Variants in BCAT1 observed in about 807,000 individuals in gnomAD.
The protein encoded by BCAT1 is branched-chain-amino-acid aminotransferase, cytosolic.
A neutral mutation model predicts 52.4 loss-of-function variants in BCAT1; 48 were observed. The observed-to-expected ratio is 0.92, with a 90% confidence interval of 0.73 to 1.16. The LOEUF is 1.16. Among genes scored for constraint, BCAT1 ranks in the 50% most tolerant of loss-of-function variants. The pLI is 0.00. For missense variants in BCAT1, 451 were observed against 457.1 expected (o/e 0.99, Z 0.12); for synonymous variants, 167 against 161.3 (o/e 1.04, Z -0.27).
chr12:24,899,826 C>T (rs909512859), intron 2 of BCAT1, among the ~76,000 whole-genome samples: 15 of 137,432 alleles, frequency 1.1e-4, no homozygotes, highest in African/African-American at 3.2e-4. Context: ...CTCACTCATA[C>T]GTGAGAGCTA....
In BCAT1 at chr12:24,812,578, T is replaced by C. The variant is rs961684481; in HGVS notation, c.*5430A>G. On this transcript the variant is annotated 3_prime_UTR_variant, in exon 11 of 11. Coordinates refer to ENST00000261192, the MANE Select transcript of BCAT1 (RefSeq NM_005504.7). ...TTTGCTATATTTAGTCACTACCTAG[T>C]AGCATTATTTGTATTTAGCAACTAC... The C allele has an allele frequency of 1.3e-5, 2 of 152,082 alleles. No homozygotes were observed. The highest frequency in any genetic ancestry group is 2.9e-5 in the Non-Finnish European group (2 of 67,908). 9.4% of individuals were successfully genotyped at this position (152,082 alleles called of 1,614,324 possible).
At chr12:24,842,027 C>T in intron 7 of BCAT1, 55 bp downstream of exon 7, 4 of 1,584,320 alleles carry the variant, frequency 2.5e-6, no homozygotes, top group Non-Finnish European at 3.5e-6. Context: ...TCTTGTCTTT[C>T]TGGTCCTGTT....
In BCAT1 at chr12:24,842,194, A is replaced by G. The variant is rs1307449215; in HGVS notation, c.705T>C (p.Cys235=). The change falls in exon 7 of 11, where the codon TGT becomes TGC. Residue 235 remains cysteine (C), a synonymous_variant. Coordinates refer to ENST00000261192, the MANE Select transcript of BCAT1 (RefSeq NM_005504.7). ...GCTGACACCCATTATCTACTGCTTC[A>G]CATTGGGCAAAAAGAGATGAGCCGT... ...GNYGSSLFAQ[C]EAVDNGCQQV... The G allele has an allele frequency of 6.2e-7, 1 of 1,613,984 alleles. No homozygotes were observed. The highest frequency in any genetic ancestry group is 1.7e-5 in the Admixed American group (1 of 60,026).
chr12:24,817,116 A>G lies in BCAT1; in HGVS notation c.*892T>C, dbSNP rs1343006143. 1 of 152,568 alleles carries G rather than the reference A, an allele frequency of 6.6e-6. No homozygotes were observed. Among genetic ancestry groups the G allele is most frequent in the East Asian group, 1.9e-4 (1 of 5,194 alleles). 9.5% of individuals were successfully genotyped at this position (152,568 alleles called of 1,614,324 possible). A position where few individuals can be genotyped will look rare whatever the true frequency, so the allele number is the denominator to read the frequency against. On this transcript the variant is annotated 3_prime_UTR_variant, in exon 11 of 11. Coordinates refer to ENST00000261192, the MANE Select transcript of BCAT1 (RefSeq NM_005504.7). ...ATTTCCTAAACTAACTATGCTTCAG[A>G]GTATCTCTAATGACTTAGTAGCTCA...
chr12:24,935,778 C>T (rs1394369338), intron 1 of BCAT1, among the ~76,000 whole-genome samples: 1 of 152,168 alleles, frequency 6.6e-6, no homozygotes, highest in Admixed American at 6.5e-5. Context: ...AATTCTGCTT[C>T]CCATATAACT....
At chr12:24,880,589 A>G (rs1245762100) in intron 4 of BCAT1, among the ~76,000 whole-genome samples, 3 of 152,254 alleles carry the variant, frequency 2.0e-5, no homozygotes, top group Non-Finnish European at 2.9e-5. Context: ...TAAAATATCA[A>G]AATAATTAAG....
At chr12:24,872,338 T>C (rs1454798333) in intron 5 of BCAT1, among the ~76,000 whole-genome samples, 1 of 152,222 alleles carries the variant, frequency 6.6e-6, no homozygotes, top group Non-Finnish European at 1.5e-5. Flanking sequence ...ACAAATCTCA[T>C]CTCCAGCCTT....
At chr12:24,892,093 T>TGTTTCGTTTC (rs574973205) in intron 3 of BCAT1, among the ~76,000 whole-genome samples, 1 of 150,718 alleles carries the variant, frequency 6.6e-6, no homozygotes, top group Non-Finnish European at 1.5e-5. Flanking sequence ...TGTTTTGTTT[T>TGTTTCGTTTC]GTTTCAATAG....
intron 1 of BCAT1, among the ~76,000 whole-genome samples, chr12:24,946,840 C>T (rs941050131): frequency 1.3e-5 from 2 of 152,140 alleles, no homozygotes; most frequent in African/African-American, 4.8e-5. Context: ...AGGTTTTAAA[C>T]TCATTTCAAA....
intron 4 of BCAT1, among the ~76,000 whole-genome samples, chr12:24,880,709 ATTATT>A (rs1294418892): frequency 6.6e-6 from 1 of 152,182 alleles, no homozygotes; most frequent in African/African-American, 2.4e-5. Context: ...GTCTTCAAAT[ATTATT>A]TTAGGTTGAG....
At chr12:24,907,858 C>T (rs1036082252) in intron 1 of BCAT1, among the ~76,000 whole-genome samples, 6 of 152,300 alleles carry the variant, frequency 3.9e-5, no homozygotes, top group Middle Eastern at 3.4e-3. Flanking sequence ...TTTTCAGACT[C>T]GGCCCGCCTG....
chr12:24,891,986 T>G (rs188078413), intron 3 of BCAT1, among the ~76,000 whole-genome samples: 1 of 151,890 alleles, frequency 6.6e-6, no homozygotes, highest in Non-Finnish European at 1.5e-5. Flanking sequence ...CTCGATCTCC[T>G]GACCTCGTGA....
At chr12:24,933,160 G>A (rs58290709) in intron 1 of BCAT1, among the ~76,000 whole-genome samples, 8 of 127,024 alleles carry the variant, frequency 6.3e-5, no homozygotes, top group African/African-American at 2.4e-4. Context: ...GCAGAGATGA[G>A]GTTTCGCTAT....
chr12:24,876,153 CAT>C (rs1222873322), intron 5 of BCAT1, among the ~76,000 whole-genome samples: 1 of 150,046 alleles, frequency 6.7e-6, no homozygotes, highest in African/African-American at 2.4e-5. Context: ...CTACTAAACT[CAT>C]ATTGTTTTCA....
intron 5 of BCAT1, among the ~76,000 whole-genome samples, chr12:24,869,687 G>A (rs1338128859): frequency 6.6e-6 from 1 of 152,172 alleles, no homozygotes; most frequent in Non-Finnish European, 1.5e-5. Context: ...TACCATACCA[G>A]ATGGGAGATG....
At chr12:24,843,749 T>C (rs912070367) in intron 6 of BCAT1, among the ~76,000 whole-genome samples, 1 of 152,198 alleles carries the variant, frequency 6.6e-6, no homozygotes, top group Non-Finnish European at 1.5e-5. Context: ...CATCTTGCCC[T>C]ACCACAACTG....
At chr12:24,836,357 C>T in intron 8 of BCAT1, 154 bp downstream of exon 8, 1 of 662,482 alleles carries the variant, frequency 1.5e-6, no homozygotes, top group Admixed American at 2.9e-5. Flanking sequence ...GCCAAGAAAG[C>T]CCTTCTAGAA....
chr12:24,902,382 A>T, intron 1 of BCAT1: 1 of 1,158,128 alleles, frequency 8.6e-7, no homozygotes, highest in Non-Finnish European at 1.1e-6. Flanking sequence ...ATGCCGCAGC[A>T]TCCACCCCAC....
At chr12:24,857,749 T>C (rs755972019) in intron 5 of BCAT1, among the ~76,000 whole-genome samples, 3 of 152,224 alleles carry the variant, frequency 2.0e-5, no homozygotes, top group Non-Finnish European at 4.4e-5. Flanking sequence ...ATCCAAGGCA[T>C]TGCTCTGATT....
Sources: gnomAD v4.1 joint callset for allele counts (sites outside exome capture counted in the v4.1 genomes callset) on GRCh38, gnomAD v4.1.1 for gene constraint, MANE v1.5 for transcripts, NCBI Gene and HGNC (gene_info 2026-07-23, HGNC 2026-07-21) for gene names.